SMAD2: variants seen among roughly 807,000 people sequenced by gnomAD.
SMAD2 encodes the protein MAD homolog 2.
Under a neutral mutation model 64.4 loss-of-function variants are expected in SMAD2, and 8 were observed. The observed-to-expected ratio is 0.12, with a 90% confidence interval of 0.07 to 0.22. The LOEUF is 0.22. SMAD2 is among the 10% of genes least tolerant of loss of function. SMAD2 has a pLI of 1.00. For synonymous variants in SMAD2, 203 were observed against 195.8 expected, an observed-to-expected ratio of 1.04 and a Z score of -0.31; for missense variants, 289 against 561.2, an observed-to-expected ratio of 0.51 and a Z score of 4.90.
chr18:47,860,933 G>A (rs943503334), intron 6 of SMAD2, among the ~76,000 whole-genome samples: 3 of 152,066 alleles, frequency 2.0e-5, no homozygotes, highest in African/African-American at 7.2e-5. Context: ...TACTTAAAGG[G>A]GGAATTGTGA....
intron 10 of SMAD2, among the ~76,000 whole-genome samples, chr18:47,843,613 A>C (rs780488990): frequency 1.2e-4 from 18 of 152,350 alleles, no homozygotes; most frequent in Non-Finnish European, 2.1e-4. Context: ...CTCCAGAATG[A>C]TTACAGACAG....
intron 1 of SMAD2, among the ~76,000 whole-genome samples, chr18:47,929,766 G>A (rs1418775968): frequency 6.6e-6 from 1 of 152,140 alleles, no homozygotes; most frequent in Admixed American, 6.5e-5. Context: ...CCCTCCAAGA[G>A]AACAAAGTAA....
chr18:47,881,025 TG>T (rs1184175418), intron 2 of SMAD2, among the ~76,000 whole-genome samples: 2 of 152,206 alleles, frequency 1.3e-5, no homozygotes, highest in South Asian at 2.1e-4. Flanking sequence ...CAGAAAGACT[TG>T]GTTTTGTGTT....
intron 1 of SMAD2, among the ~76,000 whole-genome samples, chr18:47,928,900 A>C (rs2034877474): frequency 6.6e-6 from 1 of 152,142 alleles, no homozygotes; most frequent in South Asian, 2.1e-4. Flanking sequence ...ATTTATAGTA[A>C]AAGTGGGCAC....
In SMAD2 at chr18:47,837,532, A is replaced by AG; in HGVS notation, c.*4294dup. ...AACCAAGATCGCACCACTGCACTCC[A>AG]GGTTGGGCAACAGAGCGAGACTCCC... is the stretch of plus-strand genomic sequence containing the variant. On this transcript the variant is annotated 3_prime_UTR_variant, in exon 11 of 11. Coordinates refer to ENST00000262160, the MANE Select transcript of SMAD2 (RefSeq NM_005901.6). The AG allele has an allele frequency of 1.0e-5, 2 of 196,076 alleles. No individual in the cohort carries two copies. The highest frequency in any genetic ancestry group is 1.9e-5 in the Non-Finnish European group (2 of 103,540). 12.1% of individuals were successfully genotyped at this position (196,076 alleles called of 1,614,324 possible).
At chr18:47,890,248 GGAT>G (rs2033127279) in intron 2 of SMAD2, among the ~76,000 whole-genome samples, 1 of 152,128 alleles carries the variant, frequency 6.6e-6, no homozygotes, top group South Asian at 2.1e-4. Context: ...ATGACAAACT[GGAT>G]GATAAGGCTG....
chr18:47,879,529 GA>G (rs1387849826), intron 2 of SMAD2, among the ~76,000 whole-genome samples: 3 of 56,896 alleles, frequency 5.3e-5, no homozygotes, highest in African/African-American at 1.7e-4. Flanking sequence ...TGTGTGTGTG[GA>G]GTCGTTTTCC....
intron 2 of SMAD2, chr18:47,882,365 ATTT>A (rs2032657598): frequency 6.6e-6 from 1 of 150,612 alleles, no homozygotes; most frequent in Non-Finnish European, 1.5e-5. Context: ...TGGGTGGGTA[ATTT>A]TATCTGTCTA....
chr18:47,891,415 T>C (rs927541285), intron 2 of SMAD2, among the ~76,000 whole-genome samples: 1 of 151,964 alleles, frequency 6.6e-6, no homozygotes, highest in Non-Finnish European at 1.5e-5. Flanking sequence ...AGAGGAAAAC[T>C]GGGTGATGAA....
intron 2 of SMAD2, among the ~76,000 whole-genome samples, chr18:47,894,357 C>T (rs1334359481): frequency 6.6e-6 from 1 of 152,220 alleles, no homozygotes; most frequent in African/African-American, 2.4e-5. Context: ...ACTTCTGAGC[C>T]TTCAGACCCT....
At chr18:47,851,230 T>C in intron 7 of SMAD2, 44 bp downstream of exon 7, 2 of 1,290,940 alleles carry the variant, frequency 1.5e-6, no homozygotes, top group Non-Finnish European at 2.3e-6. Context: ...ATTAAGTAGG[T>C]GATACAGTAT....
At chr18:47,883,114 CT>C (rs776466851) in intron 2 of SMAD2, among the ~76,000 whole-genome samples, 12 of 152,072 alleles carry the variant, frequency 7.9e-5, no homozygotes, top group Non-Finnish European at 1.8e-4. Flanking sequence ...TCTATTTTAT[CT>C]TTTTAGGTAA....
chr18:47,877,725 T>C (rs1429936770), intron 2 of SMAD2, among the ~76,000 whole-genome samples: 1 of 152,102 alleles, frequency 6.6e-6, no homozygotes, highest in Non-Finnish European at 1.5e-5. Flanking sequence ...ATGTAGACAA[T>C]CCTGATTGAG....
upstream of SMAD2, chr18:47,930,838 T>G (rs986314249): frequency 6.8e-6 from 1 of 147,676 alleles, no homozygotes; most frequent in African/African-American, 2.5e-5. Flanking sequence ...GCGAGCTGCT[T>G]CTCCGCCGCC....
In SMAD2 at chr18:47,833,088, C is replaced by A. The variant is rs1052010677; in HGVS notation, c.*8739G>T. ...AAAATTAAAACAATTAAAAATTAGT[C>A]CCATAGTAACATGGTAAACAACTCA... On this transcript the variant is annotated 3_prime_UTR_variant, in exon 11 of 11. Coordinates refer to ENST00000262160, the MANE Select transcript of SMAD2 (RefSeq NM_005901.6). 6.9e-5 allele frequency: 13 copies of A among 187,794 alleles called. No individual in the cohort carries two copies. The East Asian group carries it at 1.1e-3, about 16-fold the overall frequency. 11.6% of individuals were successfully genotyped at this position (187,794 alleles called of 1,614,324 possible). A position where few individuals can be genotyped will look rare whatever the true frequency, so the allele number is the denominator to read the frequency against.
At position 47,809,109 on chromosome 18, in the gene SMAD2, TCAA is replaced by T. The variant is rs1347737440; in HGVS notation, c.*32715_*32717del. 1 of 152,250 alleles carries T rather than the reference TCAA, an allele frequency of 6.6e-6. No individual in the cohort carries two copies. Among genetic ancestry groups the T allele is most frequent in the Admixed American group, 6.5e-5 (1 of 15,286 alleles). 9.4% of individuals were successfully genotyped at this position (152,250 alleles called of 1,614,324 possible). A position where few individuals can be genotyped will look rare whatever the true frequency, so the allele number is the denominator to read the frequency against. The stretch of plus-strand genomic sequence containing the variant: ...AAGGAAGAATTCTCAGCAGCAGTTC[TCAA>T]CAACAGATCACAGAAACAAGGCTGT... On this transcript the variant is annotated 3_prime_UTR_variant, in exon 11 of 11. Transcript: ENST00000262160.
intron 1 of SMAD2, among the ~76,000 whole-genome samples, chr18:47,928,499 T>C (rs956879630): frequency 1.3e-5 from 2 of 152,306 alleles, no homozygotes; most frequent in South Asian, 2.1e-4. Context: ...CAACCTTTGT[T>C]CCTACTAAAG....
At chr18:47,845,860 G>A (rs2144291595) in intron 8 of SMAD2, 60 bp from the exon 9 acceptor site, 1 of 1,502,282 alleles carries the variant, frequency 6.7e-7, no homozygotes, top group Non-Finnish European at 9.3e-7. Flanking sequence ...TGTGACTTTG[G>A]AAGCATTTTC....
Position 47,829,735 on chromosome 18 carries a change from G to C in SMAD2, c.*12092C>G, listed in dbSNP as rs1912914690. 6.6e-6 allele frequency: 1 copy of C among 152,194 alleles called. No homozygotes were observed. The highest frequency in any genetic ancestry group is 6.5e-5 in the Admixed American group (1 of 15,270). 9.4% of individuals were successfully genotyped at this position (152,194 alleles called of 1,614,324 possible). On this transcript the variant is annotated 3_prime_UTR_variant, in exon 11 of 11. Coordinates refer to ENST00000262160, the MANE Select transcript of SMAD2 (RefSeq NM_005901.6). ...ATGACATGTCACATAGAAATTGTTA[G>C]AGACTTTGAATCCTAAAATTTAGTT...
Sources: allele counts gnomAD v4.1 joint callset (sites outside exome capture counted in the v4.1 genomes callset), GRCh38; gene constraint gnomAD v4.1.1; transcripts MANE v1.5; gene names NCBI Gene and HGNC (gene_info 2026-07-23, HGNC 2026-07-21).